Variants in AKAP7 observed in about 807,000 individuals in gnomAD.
AKAP7 encodes A-kinase anchoring protein 7.
A neutral mutation model predicts 39.5 loss-of-function variants in AKAP7; 39 were observed. The observed-to-expected ratio is 0.99, with a 90% CI of 0.76 to 1.29. The LOEUF (loss-of-function observed/expected upper bound fraction) is 1.29. Ranked by LOEUF, AKAP7 falls within the 50% of genes most tolerant of loss-of-function variation. The pLI is 0.00. For synonymous variants in AKAP7, 140 were observed against 139.1 expected, an observed-to-expected ratio of 1.01 and a Z score of -0.05; for missense variants, 414 against 407.7, an observed-to-expected ratio of 1.02 and a Z score of -0.13.
At chr6:131,251,403 T>C (rs1198806118) in intron 7 of AKAP7, among the ~76,000 whole-genome samples, 2 of 152,238 alleles carry the variant, frequency 1.3e-5, no homozygotes, top group Non-Finnish European at 2.9e-5. Flanking sequence ...AATATAATGT[T>C]TCCAGTCATA....
upstream of AKAP7, among the ~76,000 whole-genome samples, chr6:131,132,196 C>T (rs1035133790): frequency 2.6e-5 from 4 of 151,850 alleles, no homozygotes; most frequent in East Asian, 3.9e-4. Context: ...GCCTGTGGTC[C>T]CATCTACTCG....
chr6:131,127,623 C>T, the AKAP7 span, among the ~76,000 whole-genome samples: 252 of 152,200 alleles, frequency 1.7e-3, 2 homozygotes, highest in Admixed American at 4.8e-3. Context: ...CTTCTATATA[C>T]GAATTAAAAT....
chr6:131,141,678 G>A (rs548886915), intron 1 of AKAP7, among the ~76,000 whole-genome samples: 4 of 152,290 alleles, frequency 2.6e-5, no homozygotes, highest in Non-Finnish European at 4.4e-5. Context: ...TGGTTAAGTG[G>A]TTGTGACCAA....
intron 1 of AKAP7, among the ~76,000 whole-genome samples, chr6:131,141,521 T>C (rs1465295638): frequency 1.3e-5 from 2 of 152,114 alleles, no homozygotes; most frequent in Non-Finnish European, 2.9e-5. Flanking sequence ...AGATAGAAAA[T>C]TGGTACTAAA....
chr6:131,199,329 CTG>C, intron 5 of AKAP7, 130 bp from the exon 6 acceptor site: 1 of 615,718 alleles, frequency 1.6e-6, no homozygotes, highest in Non-Finnish European at 2.8e-6. Flanking sequence ...AAGAAAATAT[CTG>C]AAGCAGGTGT....
upstream of AKAP7, among the ~76,000 whole-genome samples, chr6:131,135,412 C>T (rs1356150349): frequency 2.0e-5 from 3 of 151,794 alleles, no homozygotes; most frequent in East Asian, 5.8e-4. Flanking sequence ...TGCCCGAGCG[C>T]GTCCGCGCCT....
At chr6:131,173,934 A>T (rs1200075765) in intron 5 of AKAP7, among the ~76,000 whole-genome samples, 1 of 152,306 alleles carries the variant, frequency 6.6e-6, no homozygotes, top group Non-Finnish European at 1.5e-5. Flanking sequence ...TCCAATATTG[A>T]TGAAAGATCC....
intron 7 of AKAP7, among the ~76,000 whole-genome samples, chr6:131,278,667 T>TGG (rs35438602): frequency 6.6e-6 from 1 of 151,450 alleles, no homozygotes; most frequent in Non-Finnish European, 1.5e-5. Flanking sequence ...AGGGAGAAAA[T>TGG]GGGGGAGGTG....
chr6:131,215,351 C>T (rs574402591), intron 6 of AKAP7, among the ~76,000 whole-genome samples: 1 of 152,328 alleles, frequency 6.6e-6, no homozygotes, highest in East Asian at 1.9e-4. Context: ...GCCGTTCTCA[C>T]CCTGGGTGCT....
In AKAP7 at chr6:131,282,823, A is replaced by G. The variant is rs1387977293; in HGVS notation, c.*1097A>G. 2 of 424,996 alleles carry G rather than the reference A, an allele frequency of 4.7e-6. No individual in the cohort carries two copies. The highest frequency in any genetic ancestry group is 8.3e-6 in the Non-Finnish European group (2 of 240,640). The allele number at this position is 424,996 out of a possible 1,614,324, so 26.3% of individuals were successfully genotyped here. On this transcript the variant is annotated 3_prime_UTR_variant, in exon 8 of 8. Coordinates refer to ENST00000431975, the MANE Select transcript of AKAP7 (RefSeq NM_016377.4). ...GAATATCTGTTTCTGTAATATTGAG[A>G]GTTATTTTATAGAAATGATTTCTTA... is the stretch of plus-strand genomic sequence containing the variant.
intron 7 of AKAP7, among the ~76,000 whole-genome samples, chr6:131,261,209 CA>C (rs370266418): frequency 0.16 from 16,958 of 108,504 alleles, 992 homozygotes; most frequent in Non-Finnish European, 0.2. Context: ...ACTCTGTCTC[CA>C]AAAAAAAAAA....
intron 2 of AKAP7, among the ~76,000 whole-genome samples, chr6:131,147,504 A>G (rs1801575439): frequency 6.6e-6 from 1 of 152,164 alleles, no homozygotes. Context: ...TGTTGGGGAA[A>G]CCTTCACTGA....
intron 7 of AKAP7, among the ~76,000 whole-genome samples, chr6:131,269,159 T>C (rs1279585441): frequency 2.0e-5 from 3 of 151,978 alleles, no homozygotes; most frequent in Non-Finnish European, 2.9e-5. Context: ...GCCTCCTGGG[T>C]TCAAGTGATT....
At chr6:131,237,665 T>A (rs1407566924) in intron 7 of AKAP7, among the ~76,000 whole-genome samples, 1 of 152,240 alleles carries the variant, frequency 6.6e-6, no homozygotes, top group Non-Finnish European at 1.5e-5. Context: ...TTTATCTGTT[T>A]CTTCTAGATT....
Position 131,148,862 on chromosome 6 carries a change from A to G in AKAP7, c.151+3446A>G, listed in dbSNP as rs150211384. Among the ~76,000 whole-genome samples, 4 of 152,330 alleles carry G rather than the reference A, an allele frequency of 2.6e-5. No homozygotes were observed. In the East Asian group the frequency reaches 7.7e-4, roughly 29 times the overall value. On this transcript the variant is annotated intron_variant, in intron 2 of 7. Coordinates refer to ENST00000431975, the MANE Select transcript of AKAP7 (RefSeq NM_016377.4). ...ATTTGGCTTTCTTGTACATTTAGTA[A>G]TCAGTCTACTCATTTGCTCCATGGT...
At chr6:131,229,586 T>A (rs9483232) in intron 7 of AKAP7, among the ~76,000 whole-genome samples, 4,094 of 152,130 alleles carry the variant, frequency 0.027, 113 homozygotes, top group African/African-American at 0.073. Flanking sequence ...TGACCTCAAA[T>A]TATCCACCTT....
intron 5 of AKAP7, among the ~76,000 whole-genome samples, chr6:131,195,088 T>C (rs747425138): frequency 2.3e-4 from 35 of 152,156 alleles, no homozygotes; most frequent in Non-Finnish European, 4.3e-4. Flanking sequence ...ATTTGTTTTC[T>C]GTTTGTTTTG....
intron 7 of AKAP7, among the ~76,000 whole-genome samples, chr6:131,258,768 A>T (rs961935469): frequency 6.6e-6 from 1 of 152,246 alleles, no homozygotes; most frequent in Non-Finnish European, 1.5e-5. Context: ...TAAAGGTTAA[A>T]TCAGAGATAT....
In AKAP7 at chr6:131,151,694, C is replaced by T. The variant is rs188815130; in HGVS notation, c.151+6278C>T. Among the ~76,000 whole-genome samples, 263 of 152,132 alleles carry T rather than the reference C, an allele frequency of 1.7e-3. 1 individual carries two copies. The highest frequency in any genetic ancestry group is 6.2e-3 in the African/African-American group (258 of 41,504). ...CTAGGTAATGGAGGTTGCAGTGAGT[C>T]AAGATTGTGCCATTGTACTCTAGCC... is the stretch of plus-strand genomic sequence containing the variant. On this transcript the variant is annotated intron_variant, in intron 2 of 7. Transcript: ENST00000431975.
Sources: allele counts gnomAD v4.1 joint callset (sites outside exome capture counted in the v4.1 genomes callset), GRCh38; gene constraint gnomAD v4.1.1; transcripts MANE v1.5; gene names NCBI Gene and HGNC (gene_info 2026-07-23, HGNC 2026-07-21).